ARHGAP5: variants seen among roughly 807,000 people sequenced by gnomAD.
The protein encoded by ARHGAP5 is Rho GTPase activating protein 5.
ARHGAP5 carries 23 observed loss-of-function variants against 116.6 expected under a neutral mutation model. That is an observed-to-expected ratio of 0.20 (90% CI 0.14 to 0.28). The LOEUF (loss-of-function observed/expected upper bound fraction) is 0.28. Among genes scored for constraint, ARHGAP5 ranks in the 10% least tolerant of loss-of-function variants. The pLI, the probability that ARHGAP5 is intolerant of heterozygous loss-of-function variation, is 1.00. For synonymous variants in ARHGAP5, 574 were observed against 602.0 expected, an observed-to-expected ratio of 0.95 and a Z score of 0.68; for missense variants, 1,405 against 1,774.8, an observed-to-expected ratio of 0.79 and a Z score of 3.74.
intron 2 of ARHGAP5, among the ~76,000 whole-genome samples, chr14:32,111,295 A>G (rs771724364): frequency 6.6e-6 from 1 of 152,202 alleles, no homozygotes; most frequent in Non-Finnish European, 1.5e-5. Context: ...TCAGAGACTG[A>G]TGAGGATATT....
At chr14:32,103,797 T>C (rs1566666509) in intron 2 of ARHGAP5, among the ~76,000 whole-genome samples, 1 of 152,104 alleles carries the variant, frequency 6.6e-6, no homozygotes, top group Non-Finnish European at 1.5e-5. Context: ...AAATAGGGCT[T>C]AATCTGTGAC....
At chr14:32,094,517 TGA>T in intron 2 of ARHGAP5, 131 bp downstream of exon 2, 1 of 655,750 alleles carries the variant, frequency 1.5e-6, no homozygotes. Context: ...TTTAATTTTC[TGA>T]GTATTCTGTG....
intron 1 of ARHGAP5, among the ~76,000 whole-genome samples, chr14:32,081,377 C>T (rs1007292507): frequency 2.6e-5 from 4 of 151,818 alleles, no homozygotes; most frequent in Non-Finnish European, 5.9e-5. Flanking sequence ...ACTGAAAGCA[C>T]AGGTAAGTAG....
intron 5 of ARHGAP5, 73 bp from the exon 6 acceptor site, chr14:32,152,350 T>C (rs1881674733): frequency 2.0e-6 from 2 of 989,578 alleles, no homozygotes; most frequent in Admixed American, 2.3e-5. Flanking sequence ...ATAGTAAATA[T>C]AGCAGGAAGC....
At chr14:32,145,724 A>C (rs543776105) in intron 3 of ARHGAP5, among the ~76,000 whole-genome samples, 1 of 152,226 alleles carries the variant, frequency 6.6e-6, no homozygotes, top group South Asian at 2.1e-4. Flanking sequence ...TTTTAGCTGT[A>C]TTTAGTGGGA....
intron 2 of ARHGAP5, among the ~76,000 whole-genome samples, chr14:32,111,839 ATTTTTTTTTTTT>A (rs34512246): frequency 9.7e-5 from 9 of 93,176 alleles, no homozygotes; most frequent in Admixed American, 3.9e-4. Flanking sequence ...TTCTTCTTTG[ATTTTTTTTTTTT>A]TTTTTTTTTT....
chr14:32,089,165 T>C (rs928031916), intron 1 of ARHGAP5, among the ~76,000 whole-genome samples: 8 of 151,980 alleles, frequency 5.3e-5, no homozygotes, highest in Non-Finnish European at 8.8e-5. Context: ...AATTATTTTA[T>C]CAGAAATGTT....
intron 1 of ARHGAP5, among the ~76,000 whole-genome samples, chr14:32,084,978 T>C (rs933888387): frequency 1.3e-5 from 2 of 151,678 alleles, no homozygotes; most frequent in African/African-American, 4.8e-5. Context: ...CACTGTACTC[T>C]AGAATGGGTG....
At chr14:32,094,807 T>A (rs1330773541) in intron 2 of ARHGAP5, among the ~76,000 whole-genome samples, 1 of 152,226 alleles carries the variant, frequency 6.6e-6, no homozygotes, top group East Asian at 1.9e-4. Context: ...GGATATTTAT[T>A]AACTTTTCCA....
rs532572185 is a variant in ARHGAP5, at chr14:32,128,065, C to T, written c.3865+10778C>T. Among the ~76,000 whole-genome samples the T allele has an allele frequency of 7.5e-5, 11 of 147,524 alleles. No individual in the cohort carries two copies. The South Asian group carries it at 8.8e-4, about 12-fold the overall frequency. On this transcript the variant is annotated intron_variant, in intron 3 of 6. Transcript: ENST00000345122. ...CCCAGACAGTGCGGCCGGGCAGAGG[C>T]GCTCCTCACATCCCAGACAGGGTGG... is the stretch of plus-strand genomic sequence containing the variant.
At chr14:32,112,802 C>T (rs547663975) in intron 2 of ARHGAP5, among the ~76,000 whole-genome samples, 2 of 151,848 alleles carry the variant, frequency 1.3e-5, no homozygotes, top group Non-Finnish European at 2.9e-5. Context: ...ACCCGGAAGG[C>T]GGAGCTTGCA....
chr14:32,092,399 T>C lies in ARHGAP5; in HGVS notation c.1730T>C (p.Leu577Ser), dbSNP rs1878300242. Residue 577 changes from leucine to serine, a missense_variant, in exon 2 of 7, where the codon TTA becomes TCA. This residue lies in a region of ARHGAP5 where 944 missense variants were observed against 1,095.3 expected (regional missense o/e 0.86). Coordinates refer to ENST00000345122, the MANE Select transcript of ARHGAP5 (RefSeq NM_001030055.2). The surrounding 1 kb of genome is among the most constrained non-coding windows in gnomAD (Gnocchi z 4.1). ...KVEQLLASSL[L>S]QLDHGRLRLY... ...GAGCAGTTACTTGCTAGTAGTCTTT[T>C]ACAGTTGGATCATGGCCGCTTAAGA... The C allele has an allele frequency of 6.2e-7, 1 of 1,613,464 alleles. No homozygotes were observed. The highest frequency in any genetic ancestry group is 8.5e-7 in the Non-Finnish European group (1 of 1,179,728).
chr14:32,130,708 T>A (rs1880441946), intron 3 of ARHGAP5, among the ~76,000 whole-genome samples: 1 of 151,978 alleles, frequency 6.6e-6, no homozygotes, highest in South Asian at 2.1e-4. Context: ...GATTTTTGCA[T>A]TTTTAGTAGA....
At chr14:32,135,354 C>T (rs546792044) in intron 3 of ARHGAP5, among the ~76,000 whole-genome samples, 1 of 152,184 alleles carries the variant, frequency 6.6e-6, no homozygotes, top group African/African-American at 2.4e-5. Context: ...GTTCTCTTTT[C>T]ATTTCTCTTC....
intron 3 of ARHGAP5, 93 bp from the exon 4 acceptor site, chr14:32,146,170 C>A: frequency 2.2e-6 from 2 of 926,874 alleles, no homozygotes; most frequent in South Asian, 1.6e-5. Context: ...CTTGGCCTCC[C>A]AGAGTGCTGG....
chr14:32,142,542 G>A (rs1881174748), intron 3 of ARHGAP5, among the ~76,000 whole-genome samples: 1 of 152,170 alleles, frequency 6.6e-6, no homozygotes, highest in Non-Finnish European at 1.5e-5. Context: ...AATATCTGGA[G>A]CCAAGGGAAA....
rs1413333237 is a variant in ARHGAP5, at chr14:32,090,875, A to G, written c.206A>G (p.Asn69Ser). The G allele has an allele frequency of 5.0e-6, 8 of 1,613,650 alleles. No individual in the cohort carries two copies. Among genetic ancestry groups the G allele is most frequent in the Non-Finnish European group, 8.5e-7 (1 of 1,179,636 alleles). The change falls in exon 2 of 7, where the codon AAT (asparagine) becomes AGT (serine). Residue 69 changes from asparagine to serine, a missense_variant. This residue lies in a region of ARHGAP5 where 190 missense variants were observed against 314.9 expected (regional missense o/e 0.60). Transcript: ENST00000345122. ...TIDFGGRVVN[N>S]DHFLYWGDII... ...GACTTTGGAGGACGAGTAGTAAACA[A>G]TGATCACTTTTTGTACTGGGGTGAC...
chr14:32,140,347 C>G (rs534670405), intron 3 of ARHGAP5, among the ~76,000 whole-genome samples: 4 of 151,410 alleles, frequency 2.6e-5, no homozygotes, highest in Non-Finnish European at 2.9e-5. Flanking sequence ...TTTGGGAGGC[C>G]GAGGCAGGTG....
At chr14:32,137,567 G>A (rs1178696554) in intron 3 of ARHGAP5, among the ~76,000 whole-genome samples, 1 of 152,040 alleles carries the variant, frequency 6.6e-6, no homozygotes. Flanking sequence ...GCAATTGAAT[G>A]TGAATTTGAG....
Sources: gnomAD v4.1 joint callset for allele counts (sites outside exome capture counted in the v4.1 genomes callset) on GRCh38, gnomAD v4.1.1 for gene constraint, gnomAD v4.1.1 regional missense constraint, Gnocchi (gnomAD v3.1) non-coding constraint, MANE v1.5 for transcripts, NCBI Gene and HGNC (gene_info 2026-07-23, HGNC 2026-07-21) for gene names.